The following IGF1R variants were observed in gnomAD, a reference collection of about 807,000 sequenced individuals.
The protein encoded by IGF1R is insulin-like growth factor 1 receptor.
In IGF1R, 44 loss-of-function variants were observed where a neutral mutation model predicts 144.6. That is an observed-to-expected ratio of 0.30 (90% CI 0.24 to 0.39). The LOEUF (loss-of-function observed/expected upper bound fraction) is 0.39, where lower values mean the gene tolerates loss of function less well. IGF1R is among the 10% of genes least tolerant of loss of function. The pLI, the probability that IGF1R is intolerant of heterozygous loss-of-function variation, is 1.00. For missense variants in IGF1R, 1,355 were observed against 1,833.7 expected (o/e 0.74, Z 4.77); for synonymous variants, 795 against 722.8 (o/e 1.10, Z -1.60).
chr15:98,692,888 C>G (rs1175908883), intron 1 of IGF1R, among the ~76,000 whole-genome samples: 2 of 152,096 alleles, frequency 1.3e-5, no homozygotes, highest in Non-Finnish European at 2.9e-5. Flanking sequence ...GTAGGGGCCT[C>G]AGGGTGGGGT....
At chr15:98,667,823 C>T (rs1404562193) in intron 1 of IGF1R, among the ~76,000 whole-genome samples, 5 of 151,996 alleles carry the variant, frequency 3.3e-5, no homozygotes, top group South Asian at 4.1e-4. Context: ...AAAGCAAACC[C>T]GAATGACCAC....
At chr15:98,902,969 T>C (rs778532271) in intron 5 of IGF1R, among the ~76,000 whole-genome samples, 1 of 152,186 alleles carries the variant, frequency 6.6e-6, no homozygotes, top group Admixed American at 6.5e-5. Context: ...TCAGAGCCTG[T>C]TGACTTTTAT....
chr15:98,673,553 A>G lies in IGF1R; in HGVS notation c.94+23878A>G, dbSNP rs558291315. 1.5e-3 allele frequency among the ~76,000 whole-genome samples: 229 copies of G among 152,330 alleles called. 1 individual carries two copies. The highest frequency in any genetic ancestry group is 2.8e-3 in the Non-Finnish European group (193 of 68,030). ...GGCAGAAACACCTTTAACTCTTAGT[A>G]GCCTTACAGATCATTTTTGAAAACA... On this transcript the variant is annotated intron_variant, in intron 1 of 20. Transcript: ENST00000650285.
chr15:98,775,280 A>G (rs1225321862), intron 2 of IGF1R, among the ~76,000 whole-genome samples: 1 of 152,102 alleles, frequency 6.6e-6, no homozygotes, highest in African/African-American at 2.4e-5. Context: ...TCTCTGTTTT[A>G]ACAGTCACAA....
At chr15:98,752,706 TG>T (rs2055043741) in intron 2 of IGF1R, among the ~76,000 whole-genome samples, 2 of 151,432 alleles carry the variant, frequency 1.3e-5, no homozygotes, top group East Asian at 3.9e-4. Flanking sequence ...AAAGAAAGTA[TG>T]TGAGCCTTAT....
At chr15:98,950,851 T>TA (rs2016744927) in intron 20 of IGF1R, among the ~76,000 whole-genome samples, 1 of 152,196 alleles carries the variant, frequency 6.6e-6, no homozygotes, top group African/African-American at 2.4e-5. Context: ...TAGAATTCCA[T>TA]AGTCTCAGAA....
chr15:98,723,393 C>T (rs187252042), intron 2 of IGF1R, among the ~76,000 whole-genome samples: 1 of 152,272 alleles, frequency 6.6e-6, no homozygotes, highest in East Asian at 1.9e-4. Context: ...AGTATGCAGA[C>T]ATGAATGGGC....
intron 2 of IGF1R, among the ~76,000 whole-genome samples, chr15:98,804,971 C>G (rs992635235): frequency 1.3e-5 from 2 of 152,196 alleles, no homozygotes; most frequent in African/African-American, 4.8e-5. Flanking sequence ...GCTGGGATTA[C>G]AGGCATGAGC....
chr15:98,860,315 A>C (rs1295368808), intron 2 of IGF1R, among the ~76,000 whole-genome samples: 3 of 152,236 alleles, frequency 2.0e-5, no homozygotes, highest in African/African-American at 7.2e-5. Context: ...AGACCATCCT[A>C]GTAGAAATGT....
At chr15:98,650,072 T>TC (rs36122165) in intron 1 of IGF1R, among the ~76,000 whole-genome samples, 23,449 of 151,998 alleles carry the variant, frequency 0.15, 2,381 homozygotes, top group African/African-American at 0.28. Flanking sequence ...ACAGCGCTGA[T>TC]CCCCTGCGGC....
chr15:98,904,793 T>C (rs1218389799), intron 5 of IGF1R, among the ~76,000 whole-genome samples: 1 of 152,252 alleles, frequency 6.6e-6, no homozygotes, highest in Non-Finnish European at 1.5e-5. Flanking sequence ...TGTCCCTTCC[T>C]ACCTCTGTAG....
intron 2 of IGF1R, among the ~76,000 whole-genome samples, chr15:98,833,944 C>T (rs750880760): frequency 1.3e-5 from 2 of 152,174 alleles, no homozygotes; most frequent in African/African-American, 2.4e-5. Flanking sequence ...CTGGTAATTA[C>T]TCGAATTACC....
At chr15:98,894,121 C>T (rs1327234118) in intron 3 of IGF1R, among the ~76,000 whole-genome samples, 1 of 151,912 alleles carries the variant, frequency 6.6e-6, no homozygotes, top group Non-Finnish European at 1.5e-5. Context: ...GTCACCCAGG[C>T]TGGAGTGCAG....
At chr15:98,767,483 T>A (rs1265918275) in intron 2 of IGF1R, among the ~76,000 whole-genome samples, 1 of 152,178 alleles carries the variant, frequency 6.6e-6, no homozygotes, top group Non-Finnish European at 1.5e-5. Flanking sequence ...TTTGGAAAAC[T>A]GAGGCCAAAA....
intron 5 of IGF1R, among the ~76,000 whole-genome samples, chr15:98,901,636 C>T (rs1046002392): frequency 1.3e-5 from 2 of 152,184 alleles, no homozygotes; most frequent in Non-Finnish European, 1.5e-5. Flanking sequence ...ATACGATAGT[C>T]AGATAAACAT....
At chr15:98,776,036 C>T (rs2055705111) in intron 2 of IGF1R, among the ~76,000 whole-genome samples, 1 of 152,178 alleles carries the variant, frequency 6.6e-6, no homozygotes, top group Non-Finnish European at 1.5e-5. Context: ...CTTTCTCAAT[C>T]ACATGTAATT....
chr15:98,957,450 A>G lies in IGF1R; in HGVS notation c.*8A>G, dbSNP rs372067555. On this transcript the variant is annotated 3_prime_UTR_variant, in exon 21 of 21. Coordinates refer to ENST00000650285, the MANE Select transcript of IGF1R (RefSeq NM_000875.5). Reference sequence around the variant, plus strand: ...CAGTCTTCGACCTGCTGATCCTTGGATCCTGAATCTGTGCAAACAGTAACG... The same window carrying G: ...CAGTCTTCGACCTGCTGATCCTTGGGTCCTGAATCTGTGCAAACAGTAACG... 1 of 1,612,680 alleles carries G rather than the reference A, an allele frequency of 6.2e-7. No individual in the cohort carries two copies.
At chr15:98,800,395 T>C (rs566063478) in intron 2 of IGF1R, among the ~76,000 whole-genome samples, 8 of 152,092 alleles carry the variant, frequency 5.3e-5, no homozygotes, top group Non-Finnish European at 1.2e-4. Context: ...AAGTGGACAA[T>C]GAAAAAATTA....
At chr15:98,769,347 A>G (rs963291134) in intron 2 of IGF1R, among the ~76,000 whole-genome samples, 21 of 152,170 alleles carry the variant, frequency 1.4e-4, no homozygotes, top group African/African-American at 4.8e-4. Flanking sequence ...AAGGGGTATA[A>G]GGTGTTAAAA....
Sources: allele counts gnomAD v4.1 joint callset (sites outside exome capture counted in the v4.1 genomes callset), GRCh38; gene constraint gnomAD v4.1.1; transcripts MANE v1.5; gene names NCBI Gene and HGNC (gene_info 2026-07-23, HGNC 2026-07-21).